The following VWA3B variants were observed in gnomAD, a reference collection of about 807,000 sequenced individuals.
VWA3B encodes von Willebrand factor A domain-containing protein 3B.
In VWA3B, 138 loss-of-function variants were observed where a neutral mutation model predicts 158.3. The observed-to-expected ratio is 0.87, with a 90% CI of 0.76 to 1.00. The LOEUF (loss-of-function observed/expected upper bound fraction) is 1.00, where lower values mean the gene tolerates loss of function less well. Ranked by LOEUF, VWA3B falls within the 50% of genes least tolerant of loss-of-function variation. The probability of loss-of-function intolerance (pLI) is 0.00; values close to 1 mark genes in which losing one functional copy is unlikely to be tolerated. For synonymous variants in VWA3B, 596 were observed against 587.3 expected, an observed-to-expected ratio of 1.01 and a Z score of -0.21; for missense variants, 1,555 against 1,565.1, an observed-to-expected ratio of 0.99 and a Z score of 0.11.
At chr2:98,164,613 C>T (rs1016412179) in intron 8 of VWA3B, among the ~76,000 whole-genome samples, 3 of 152,184 alleles carry the variant, frequency 2.0e-5, no homozygotes, top group Admixed American at 6.5e-5. Context: ...ACCCAAAATG[C>T]AGAACAGCAA....
chr2:98,228,966 G>C (rs761018595), intron 15 of VWA3B: 1 of 152,136 alleles, frequency 6.6e-6, no homozygotes, highest in Non-Finnish European at 1.5e-5. Context: ...TTCAAAGAAT[G>C]ATAGAAAATT....
chr2:98,144,566 C>CT (rs34924678), intron 7 of VWA3B, among the ~76,000 whole-genome samples: 89 of 143,978 alleles, frequency 6.2e-4, no homozygotes, highest in East Asian at 2.2e-3. Context: ...TTCTTTCTTT[C>CT]TTTTTTTTTT....
chr2:98,246,675 C>T (rs1403109558), intron 19 of VWA3B, among the ~76,000 whole-genome samples: 1 of 152,128 alleles, frequency 6.6e-6, no homozygotes. Context: ...AGCCACCCCA[C>T]CCAGCCTATT....
At chr2:98,129,877 A>T (rs1258867696) in intron 6 of VWA3B, among the ~76,000 whole-genome samples, 7 of 152,064 alleles carry the variant, frequency 4.6e-5, no homozygotes, top group African/African-American at 1.7e-4. Flanking sequence ...GTACATATTT[A>T]TAGGGCCCAT....
intron 23 of VWA3B, chr2:98,290,979 A>G: frequency 5.0e-6 from 1 of 200,298 alleles, no homozygotes; most frequent in South Asian, 1.1e-4. Flanking sequence ...ATCTTAAAGG[A>G]GACAGACAAG....
At chr2:98,092,598 G>A (rs1394137556) in intron 1 of VWA3B, among the ~76,000 whole-genome samples, 1 of 151,828 alleles carries the variant, frequency 6.6e-6, no homozygotes, top group African/African-American at 2.4e-5. Context: ...AGCCTAGATT[G>A]TGCCACTGCA....
At chr2:98,305,254 C>T (rs1039512279) in intron 26 of VWA3B, among the ~76,000 whole-genome samples, 4 of 152,208 alleles carry the variant, frequency 2.6e-5, no homozygotes, top group Admixed American at 2.6e-4. Flanking sequence ...ACCCAGGCTG[C>T]TCTCCTGTGC....
intron 9 of VWA3B, among the ~76,000 whole-genome samples, chr2:98,181,785 G>A (rs986682926): frequency 3.3e-5 from 5 of 152,200 alleles, no homozygotes; most frequent in Non-Finnish European, 5.9e-5. Context: ...GACAGTGCTC[G>A]ACAGCAGTGC....
chr2:98,284,645 G>T (rs1005588589), intron 22 of VWA3B, among the ~76,000 whole-genome samples: 7 of 152,122 alleles, frequency 4.6e-5, no homozygotes, highest in African/African-American at 1.4e-4. Flanking sequence ...ACTGCAAAAA[G>T]GTGGCATCAA....
chr2:98,255,331 T>C (rs6714220), intron 20 of VWA3B, among the ~76,000 whole-genome samples: 135,998 of 151,098 alleles, frequency 0.9, 61,467 homozygotes, highest in East Asian at 1. Flanking sequence ...TGCACCCGGC[T>C]GGAAGCAGTG....
At chr2:98,155,866 T>C (rs747759263) in intron 7 of VWA3B, among the ~76,000 whole-genome samples, 21 of 152,128 alleles carry the variant, frequency 1.4e-4, no homozygotes, top group Non-Finnish European at 2.8e-4. Context: ...CATGAGAATA[T>C]TGCTCCTGGA....
intron 20 of VWA3B, among the ~76,000 whole-genome samples, chr2:98,253,214 A>G (rs561700988): frequency 1.3e-5 from 2 of 152,150 alleles, no homozygotes; most frequent in Non-Finnish European, 2.9e-5. Context: ...TTAATGACAC[A>G]TTTACCACCC....
chr2:98,294,063 A>G (rs370612345), intron 23 of VWA3B, among the ~76,000 whole-genome samples: 15 of 152,086 alleles, frequency 9.9e-5, no homozygotes, highest in African/African-American at 3.4e-4. Flanking sequence ...GCCGGCCAGA[A>G]TACTGCCTAA....
chr2:98,287,749 AG>A (rs1689248041), intron 22 of VWA3B, among the ~76,000 whole-genome samples: 1 of 152,202 alleles, frequency 6.6e-6, no homozygotes, highest in African/African-American at 2.4e-5. Context: ...ACATTGTTCC[AG>A]AAAGGTTATA....
intron 14 of VWA3B, among the ~76,000 whole-genome samples, chr2:98,224,155 A>C (rs1325440853): frequency 9.2e-5 from 14 of 152,146 alleles, no homozygotes. Context: ...TTTCAAGCTA[A>C]AGGAAATTAT....
At chr2:98,192,741 C>T (rs1286623178) in intron 10 of VWA3B, among the ~76,000 whole-genome samples, 157 bp from the exon 11 acceptor site, 1 of 152,172 alleles carries the variant, frequency 6.6e-6, no homozygotes, top group African/African-American at 2.4e-5. Context: ...GGATTTTCTA[C>T]AGAAAAACCT....
chr2:98,300,034 G>C, intron 24 of VWA3B, 45 bp from the exon 25 acceptor site: 1 of 1,613,490 alleles, frequency 6.2e-7, no homozygotes, highest in South Asian at 1.1e-5. Flanking sequence ...AACATTGTCT[G>C]TACAATCCAT....
At chr2:98,274,973 C>T (rs1688431422) in intron 22 of VWA3B, among the ~76,000 whole-genome samples, 1 of 152,174 alleles carries the variant, frequency 6.6e-6, no homozygotes, top group African/African-American at 2.4e-5. Context: ...CCTTCCTCTG[C>T]TCCTCAGGGA....
the VWA3B span, among the ~76,000 whole-genome samples, chr2:98,319,909 C>T: frequency 1.4e-5 from 2 of 144,818 alleles, no homozygotes; most frequent in African/African-American, 5.2e-5. Context: ...CACACACACA[C>T]TCACACAACA....
Sources: gnomAD v4.1 joint callset for allele counts (sites outside exome capture counted in the v4.1 genomes callset) on GRCh38, gnomAD v4.1.1 for gene constraint, MANE v1.5 for transcripts, NCBI Gene and HGNC (gene_info 2026-07-23, HGNC 2026-07-21) for gene names.